The following CCSER1 variants were observed in gnomAD, a reference collection of about 807,000 sequenced individuals.
CCSER1 encodes coiled-coil serine rich protein 1.
A neutral mutation model predicts 82.0 loss-of-function variants in CCSER1; 41 were observed. That is an observed-to-expected ratio of 0.50 (90% CI 0.39 to 0.65). The LOEUF (loss-of-function observed/expected upper bound fraction) is 0.65. Among genes scored for constraint, CCSER1 ranks in the 30% least tolerant of loss-of-function variants. The probability of loss-of-function intolerance (pLI) is 0.00; values close to 1 mark genes in which losing one functional copy is unlikely to be tolerated. For synonymous variants in CCSER1, 414 were observed against 383.9 expected, an observed-to-expected ratio of 1.08 and a Z score of -0.92; for missense variants, 1,119 against 1,064.2, an observed-to-expected ratio of 1.05 and a Z score of -0.72.
At chr4:90,422,870 A>G (rs920043719) in intron 4 of CCSER1, among the ~76,000 whole-genome samples, 1 of 152,128 alleles carries the variant, frequency 6.6e-6, no homozygotes, top group East Asian at 1.9e-4. Flanking sequence ...AGTGCAGTAC[A>G]CTCTCAACAG....
At chr4:91,361,005 C>G (rs1749208623) in intron 10 of CCSER1, among the ~76,000 whole-genome samples, 2 of 151,738 alleles carry the variant, frequency 1.3e-5, no homozygotes, top group African/African-American at 2.4e-5. Flanking sequence ...AATTCTTCAG[C>G]TTTCATAAGA....
chr4:90,412,885 T>G (rs751836455), intron 4 of CCSER1, among the ~76,000 whole-genome samples: 1 of 152,102 alleles, frequency 6.6e-6, no homozygotes, highest in African/African-American at 2.4e-5. Context: ...CTATTCAACA[T>G]GGTACTGGAA....
At chr4:90,741,256 A>T (rs912300316) in intron 7 of CCSER1, among the ~76,000 whole-genome samples, 4 of 152,194 alleles carry the variant, frequency 2.6e-5, no homozygotes, top group Non-Finnish European at 5.9e-5. Flanking sequence ...TTATAACCTC[A>T]ATCTTGGTTT....
At chr4:90,414,306 G>T (rs1755464175) in intron 4 of CCSER1, among the ~76,000 whole-genome samples, 1 of 151,514 alleles carries the variant, frequency 6.6e-6, no homozygotes, top group South Asian at 2.1e-4. Flanking sequence ...AGATTTAAAG[G>T]ATTTTTTTAT....
At chr4:90,911,069 C>A (rs1581039499) in intron 8 of CCSER1, among the ~76,000 whole-genome samples, 1 of 152,320 alleles carries the variant, frequency 6.6e-6, no homozygotes, top group Non-Finnish European at 1.5e-5. Context: ...GACTTCCTGG[C>A]ATTCTCTGCA....
chr4:90,808,095 A>G (rs1043317463), intron 7 of CCSER1, among the ~76,000 whole-genome samples: 3 of 152,146 alleles, frequency 2.0e-5, no homozygotes, highest in African/African-American at 7.2e-5. Flanking sequence ...ACCAAATGCA[A>G]CAGCCAGCTG....
chr4:90,408,426 G>A (rs1754103153), intron 4 of CCSER1, among the ~76,000 whole-genome samples: 1 of 152,194 alleles, frequency 6.6e-6, no homozygotes, highest in African/African-American at 2.4e-5. Context: ...ATACTCCTCT[G>A]AGACAAAACT....
chr4:90,786,688 G>A (rs753054300), intron 7 of CCSER1, among the ~76,000 whole-genome samples: 3 of 152,068 alleles, frequency 2.0e-5, no homozygotes, highest in Admixed American at 1.3e-4. Context: ...ATACCACAGC[G>A]ATCAACAATG....
At chr4:90,711,297 A>G (rs527926686) in intron 6 of CCSER1, among the ~76,000 whole-genome samples, 7 of 152,066 alleles carry the variant, frequency 4.6e-5, no homozygotes, top group African/African-American at 1.7e-4. Context: ...TTGACTTCCT[A>G]TAATCCTACT....
intron 10 of CCSER1, among the ~76,000 whole-genome samples, chr4:91,492,165 T>C (rs1758583042): frequency 6.6e-6 from 1 of 152,040 alleles, no homozygotes; most frequent in Non-Finnish European, 1.5e-5. Context: ...ATGGCTTTTA[T>C]TTTAGGACTA....
chr4:90,507,290 T>A (rs1770833073), intron 5 of CCSER1, among the ~76,000 whole-genome samples: 1 of 151,234 alleles, frequency 6.6e-6, no homozygotes, highest in Non-Finnish European at 1.5e-5. Flanking sequence ...CTGCCCTTCC[T>A]TTGTCCCTGA....
intron 8 of CCSER1, among the ~76,000 whole-genome samples, chr4:90,868,269 G>A (rs1010865160): frequency 2.0e-5 from 3 of 151,934 alleles, no homozygotes; most frequent in Non-Finnish European, 4.4e-5. Flanking sequence ...ACCCTGTTAT[G>A]TCATCAAACA....
chr4:91,266,699 G>A (rs1741618934), intron 10 of CCSER1, among the ~76,000 whole-genome samples: 1 of 152,196 alleles, frequency 6.6e-6, no homozygotes, highest in Middle Eastern at 3.4e-3. Context: ...AAGTTAAAAT[G>A]AAATGCTTAA....
intron 5 of CCSER1, among the ~76,000 whole-genome samples, chr4:90,577,475 G>A (rs1780895267): frequency 6.6e-6 from 1 of 152,084 alleles, no homozygotes; most frequent in Admixed American, 6.6e-5. Flanking sequence ...TCTGCTGGTG[G>A]ATTTCTCCTT....
chr4:90,403,720 A>G (rs1349243254), intron 4 of CCSER1, among the ~76,000 whole-genome samples: 1 of 152,152 alleles, frequency 6.6e-6, no homozygotes, highest in Non-Finnish European at 1.5e-5. Flanking sequence ...ATACTTCTTA[A>G]AGACAATGCA....
chr4:90,527,289 T>C (rs1355235857), intron 5 of CCSER1, among the ~76,000 whole-genome samples: 2 of 152,098 alleles, frequency 1.3e-5, no homozygotes, highest in African/African-American at 4.8e-5. Flanking sequence ...GCAAAGGATA[T>C]GAACAGACGC....
chr4:90,723,995 A>C lies in CCSER1; in HGVS notation c.2010+4A>C. 6.6e-7 allele frequency: 1 copy of C among 1,520,694 alleles called. No homozygotes were observed. Among genetic ancestry groups the C allele is most frequent in the Non-Finnish European group, 9.0e-7 (1 of 1,116,118 alleles). The allele number at this position is 1,520,694 out of a possible 1,614,324, so 94.2% of individuals were successfully genotyped here. ...TGAAGAGCCAGTGCCTTTCAAGGTA[A>C]AAAACAAACAAGAAAGCATTATTTA... On this transcript the variant is annotated splice_donor_region_variant and intron_variant, in intron 7 of 10. Transcript: ENST00000509176.
chr4:90,279,982 T>A (rs1293010769), intron 1 of CCSER1, among the ~76,000 whole-genome samples: 1 of 152,060 alleles, frequency 6.6e-6, no homozygotes, highest in Non-Finnish European at 1.5e-5. Context: ...TCTCATGCTT[T>A]ATAAAAATGA....
chr4:90,853,816 A>T (rs532511972), intron 8 of CCSER1, among the ~76,000 whole-genome samples: 1 of 152,284 alleles, frequency 6.6e-6, no homozygotes, highest in African/African-American at 2.4e-5. Flanking sequence ...ATGGTTGTCC[A>T]GGAGGTAAAA....
Sources: allele counts gnomAD v4.1 joint callset (sites outside exome capture counted in the v4.1 genomes callset), GRCh38; gene constraint gnomAD v4.1.1; transcripts MANE v1.5; gene names NCBI Gene and HGNC (gene_info 2026-07-23, HGNC 2026-07-21).